The following EXOC4 variants were observed in gnomAD, a reference collection of about 807,000 sequenced individuals.
EXOC4 encodes SEC8-like 1.
EXOC4 carries 71 observed loss-of-function variants against 107.2 expected under a neutral mutation model. The ratio of observed to expected loss-of-function variants is 0.66; its 90% CI spans 0.55 to 0.81. The LOEUF is 0.81. EXOC4 is among the 30% of genes least tolerant of loss of function. The pLI is 0.00. For synonymous variants in EXOC4, 456 were observed against 441.2 expected (o/e 1.03, Z -0.42); for missense variants, 1,108 against 1,189.6 (o/e 0.93, Z 1.01).
chr7:133,547,005 A>T (rs1055048396), intron 9 of EXOC4, among the ~76,000 whole-genome samples: 2 of 152,210 alleles, frequency 1.3e-5, no homozygotes, highest in Non-Finnish European at 2.9e-5. Flanking sequence ...GACACTAGAC[A>T]ACATTATCGA....
At position 134,064,577 on chromosome 7, in the gene EXOC4, T is replaced by G; in HGVS notation, c.*49T>G. The G allele has an allele frequency of 7.7e-7, 1 of 1,302,848 alleles. No individual in the cohort carries two copies. Among genetic ancestry groups the G allele is most frequent in the Non-Finnish European group, 1.1e-6 (1 of 938,936 alleles). 80.7% of individuals were successfully genotyped at this position (1,302,848 alleles called of 1,614,324 possible). On this transcript the variant is annotated 3_prime_UTR_variant, in exon 18 of 18. Coordinates refer to ENST00000253861, the MANE Select transcript of EXOC4 (RefSeq NM_021807.4). ...GGGGGTCCCCTCAGTCACACTCACT[T>G]TTTTCCTTGGTATGTTATTGAGTAT... is the stretch of plus-strand genomic sequence containing the variant.
At chr7:133,312,331 A>G (rs1021004289) in intron 4 of EXOC4, among the ~76,000 whole-genome samples, 1 of 152,182 alleles carries the variant, frequency 6.6e-6, no homozygotes, top group African/African-American at 2.4e-5. Context: ...AAGGATAGAA[A>G]CTTAAATATG....
intron 9 of EXOC4, among the ~76,000 whole-genome samples, chr7:133,600,854 T>G (rs553491350): frequency 2.6e-5 from 4 of 152,208 alleles, no homozygotes; most frequent in African/African-American, 7.2e-5. Context: ...TTCAAACCTT[T>G]AGTCAGACAG....
chr7:133,406,417 T>C (rs10247070), intron 7 of EXOC4, among the ~76,000 whole-genome samples: 3,420 of 152,316 alleles, frequency 0.022, 94 homozygotes, highest in African/African-American at 0.067. Context: ...CAACCTAACT[T>C]ATATCCATTA....
chr7:133,604,335 A>AGTAAGTAAT (rs1346839227), intron 9 of EXOC4, among the ~76,000 whole-genome samples: 2 of 152,242 alleles, frequency 1.3e-5, no homozygotes, highest in African/African-American at 4.8e-5. Flanking sequence ...TATTATCATT[A>AGTAAGTAAT]GTAAGTAATG....
intron 1 of EXOC4, among the ~76,000 whole-genome samples, chr7:133,260,869 A>G (rs779384746): frequency 2.6e-5 from 4 of 151,996 alleles, no homozygotes; most frequent in Admixed American, 2.0e-4. Flanking sequence ...GGCCACTTCA[A>G]GTTGTGCTAC....
At chr7:133,298,727 TG>T (rs1460659341) in intron 3 of EXOC4, among the ~76,000 whole-genome samples, 13 of 152,322 alleles carry the variant, frequency 8.5e-5, no homozygotes, top group Non-Finnish European at 1.5e-5. Context: ...GCTCTCAATG[TG>T]GAATTATGCA....
rs192310809 is a variant in EXOC4 at position 133,854,954 on chromosome 7, C to G, written c.1734+37410C>G. On this transcript the variant is annotated intron_variant, in intron 11 of 17. Transcript: ENST00000253861. ...GTCTTCATGTCTTTCTCATTTGCAG[C>G]AAGTAGATGACACAGTGCTGCCCTC... Among the ~76,000 whole-genome samples the G allele has an allele frequency of 1.9e-3, 273 of 147,218 alleles. 4 individuals are homozygous for G. Among genetic ancestry groups the G allele is most frequent in the African/African-American group, 6.4e-3 (252 of 39,110 alleles).
intron 10 of EXOC4, among the ~76,000 whole-genome samples, chr7:133,645,735 A>G (rs1404583542): frequency 2.0e-5 from 3 of 152,132 alleles, no homozygotes; most frequent in African/African-American, 7.2e-5. Flanking sequence ...CCTTTGGACC[A>G]TTGCCCCCTA....
chr7:133,453,341 A>G (rs1344366390), intron 7 of EXOC4, among the ~76,000 whole-genome samples: 2 of 152,168 alleles, frequency 1.3e-5, no homozygotes, highest in Admixed American at 6.5e-5. Context: ...GAACAGTGAT[A>G]CTTACTTTCT....
At chr7:133,743,449 AC>A (rs1422419423) in intron 10 of EXOC4, among the ~76,000 whole-genome samples, 1 of 152,128 alleles carries the variant, frequency 6.6e-6, no homozygotes, top group African/African-American at 2.4e-5. Flanking sequence ...ATTTAAATGT[AC>A]CCCTTAGCAG....
intron 7 of EXOC4, among the ~76,000 whole-genome samples, chr7:133,438,347 T>G (rs1194996009): frequency 6.6e-6 from 1 of 152,198 alleles, no homozygotes; most frequent in Non-Finnish European, 1.5e-5. Flanking sequence ...TTTAAATAGT[T>G]CTTATATTAG....
chr7:133,789,065 C>A (rs1373539502), intron 10 of EXOC4, among the ~76,000 whole-genome samples: 1 of 152,104 alleles, frequency 6.6e-6, no homozygotes. Flanking sequence ...AATTTTCTTG[C>A]CATATAGTCT....
chr7:133,296,882 C>A (rs1794531584), intron 3 of EXOC4, among the ~76,000 whole-genome samples: 1 of 152,066 alleles, frequency 6.6e-6, no homozygotes, highest in Non-Finnish European at 1.5e-5. Flanking sequence ...AGGTCACATC[C>A]CAGACCGGTT....
chr7:133,436,057 T>G (rs1036776125), intron 7 of EXOC4, among the ~76,000 whole-genome samples: 3 of 151,278 alleles, frequency 2.0e-5, no homozygotes, highest in Non-Finnish European at 2.9e-5. Flanking sequence ...TGTTTTTTTT[T>G]TTTTGTTTTT....
intron 9 of EXOC4, among the ~76,000 whole-genome samples, chr7:133,607,962 A>G (rs890068927): frequency 5.3e-5 from 8 of 152,202 alleles, no homozygotes; most frequent in African/African-American, 1.9e-4. Flanking sequence ...TCAGTAAGTC[A>G]TTTTTAAGTC....
intron 9 of EXOC4, among the ~76,000 whole-genome samples, chr7:133,521,781 G>A (rs552509718): frequency 3.9e-5 from 6 of 151,958 alleles, no homozygotes; most frequent in South Asian, 2.1e-4. Flanking sequence ...CACCACGCCC[G>A]GCTAATTTTT....
intron 7 of EXOC4, among the ~76,000 whole-genome samples, chr7:133,474,706 G>A (rs530931668): frequency 6.6e-6 from 1 of 152,092 alleles, no homozygotes; most frequent in East Asian, 1.9e-4. Context: ...TCAGGACTTC[G>A]TAGCTTCCTG....
chr7:133,275,278 C>A (rs1218646557), intron 2 of EXOC4, 107 bp downstream of exon 2: 2 of 903,914 alleles, frequency 2.2e-6, no homozygotes, highest in East Asian at 2.9e-5. Context: ...CAAAGTGATT[C>A]AAAATGCCAC....
Sources: allele counts gnomAD v4.1 joint callset (sites outside exome capture counted in the v4.1 genomes callset), GRCh38; gene constraint gnomAD v4.1.1; transcripts MANE v1.5; gene names NCBI Gene and HGNC (gene_info 2026-07-23, HGNC 2026-07-21).